The following DTWD2 variants were observed in gnomAD, a reference collection of about 807,000 sequenced individuals.
DTWD2 encodes the protein tRNA-uridine aminocarboxypropyltransferase 2.
In DTWD2, 39 loss-of-function variants were observed where a neutral mutation model predicts 31.8. The observed-to-expected ratio is 1.22, with a 90% confidence interval of 0.95 to 1.60. The LOEUF is 1.60. DTWD2 is among the 40% of genes most tolerant of loss of function. DTWD2 has a pLI of 0.00. For missense variants in DTWD2, 515 were observed against 381.5 expected, an observed-to-expected ratio of 1.35 and a Z score of -2.92; for synonymous variants, 180 against 142.8, an observed-to-expected ratio of 1.26 and a Z score of -1.86.
At chr5:118,893,795 A>G (rs2149561641) in intron 4 of DTWD2, among the ~76,000 whole-genome samples, 1 of 152,282 alleles carries the variant, frequency 6.6e-6, no homozygotes, top group Admixed American at 6.5e-5. Context: ...GAGCACAGAT[A>G]GCCTCTAGAA....
intron 4 of DTWD2, among the ~76,000 whole-genome samples, chr5:118,898,187 G>C (rs1403806985): frequency 6.6e-6 from 1 of 152,050 alleles, no homozygotes; most frequent in Non-Finnish European, 1.5e-5. Context: ...CTTAATCCCA[G>C]TCTTTTATAT....
intron 5 of DTWD2, among the ~76,000 whole-genome samples, chr5:118,842,582 A>G (rs1415048498): frequency 1.3e-5 from 2 of 152,126 alleles, no homozygotes; most frequent in Non-Finnish European, 2.9e-5. Flanking sequence ...TACAGGAGAA[A>G]AAGAAAACCC....
chr5:118,929,695 C>T (rs925188360), intron 3 of DTWD2, among the ~76,000 whole-genome samples: 13 of 152,100 alleles, frequency 8.5e-5, no homozygotes, highest in African/African-American at 3.1e-4. Context: ...TCAAAATATA[C>T]TTATTTGACA....
intron 1 of DTWD2, chr5:118,973,905 G>A (rs1755061136): frequency 1.2e-6 from 2 of 1,607,830 alleles, no homozygotes; most frequent in East Asian, 2.2e-5. Context: ...CCTGCTAACG[G>A]GAATGCTAAT....
intron 4 of DTWD2, among the ~76,000 whole-genome samples, chr5:118,869,337 C>T (rs1752452212): frequency 6.6e-6 from 1 of 152,052 alleles, no homozygotes; most frequent in African/African-American, 2.4e-5. Context: ...AAGTCAACCA[C>T]AACACAAAAC....
rs374547745 is a variant in DTWD2 at position 118,946,718 on chromosome 5, A to G, written c.219-2069T>C. On this transcript the variant is annotated intron_variant, in intron 1 of 5. Transcript: ENST00000510708. ...TTGACTGAAGAAAAGCTGTAAGTCT[A>G]CAAACATTAGCTTTAATCTTTAAAA... is the stretch of plus-strand genomic sequence containing the variant. Among the ~76,000 whole-genome samples, 39 of 152,214 alleles carry G rather than the reference A, an allele frequency of 2.6e-4. 1 individual carries two copies. Among genetic ancestry groups the G allele is most frequent in the African/African-American group, 9.4e-4 (39 of 41,526 alleles).
intron 3 of DTWD2, among the ~76,000 whole-genome samples, chr5:118,929,693 T>C (rs1409719887): frequency 6.6e-6 from 1 of 152,196 alleles, no homozygotes; most frequent in Non-Finnish European, 1.5e-5. Flanking sequence ...CTTCAAAATA[T>C]ACTTATTTGA....
intron 4 of DTWD2, among the ~76,000 whole-genome samples, chr5:118,900,417 A>C (rs1316642304): frequency 6.6e-6 from 1 of 152,256 alleles, no homozygotes; most frequent in Admixed American, 6.5e-5. Flanking sequence ...AATGCTACAA[A>C]ACTGCAGGCA....
intron 4 of DTWD2, among the ~76,000 whole-genome samples, chr5:118,893,276 G>T (rs1289293138): frequency 6.7e-6 from 1 of 149,652 alleles, no homozygotes; most frequent in African/African-American, 2.5e-5. Context: ...CACGAGAATC[G>T]CTTGAACCTG....
chr5:118,985,490 T>TTATATATATATATATATATATATATA (rs56393420), intron 1 of DTWD2, among the ~76,000 whole-genome samples: 24 of 95,398 alleles, frequency 2.5e-4, no homozygotes, highest in South Asian at 8.6e-4. Context: ...ATGTGCATTT[T>TTATATATATATATATATATATATATA]TATATATATA....
At chr5:118,980,629 A>G (rs1392605677) in intron 1 of DTWD2, among the ~76,000 whole-genome samples, 2 of 152,236 alleles carry the variant, frequency 1.3e-5, no homozygotes, top group Non-Finnish European at 2.9e-5. Flanking sequence ...ATGCCTCCTA[A>G]GATGGGCATA....
intron 1 of DTWD2, among the ~76,000 whole-genome samples, chr5:118,986,096 C>A (rs775965741): frequency 1.1e-4 from 17 of 152,106 alleles, no homozygotes; most frequent in Non-Finnish European, 2.4e-4. Context: ...ATCTTTTGTG[C>A]ACCTACCATG....
At chr5:118,849,473 C>T (rs1423255400) in intron 4 of DTWD2, among the ~76,000 whole-genome samples, 1 of 152,160 alleles carries the variant, frequency 6.6e-6, no homozygotes, top group Non-Finnish European at 1.5e-5. Flanking sequence ...CGTGGCAATT[C>T]CTCAACGATC....
At chr5:118,973,613 TTGCTCGCGGCAGCCTCC>T (rs1755044034) in intron 1 of DTWD2, among the ~76,000 whole-genome samples, 1 of 23,660 alleles carries the variant, frequency 4.2e-5, no homozygotes, top group Admixed American at 6.9e-4. Flanking sequence ...GTCCGCCTCC[TTGCTCGCGGCAGCCTCC>T]TTGCTCGCGG....
chr5:118,953,117 C>T (rs1355958458), intron 1 of DTWD2, among the ~76,000 whole-genome samples: 5 of 152,142 alleles, frequency 3.3e-5, no homozygotes, highest in Non-Finnish European at 5.9e-5. Flanking sequence ...GAGCCCCAGC[C>T]CTCAGAGCTT....
chr5:118,843,755 A>T (rs1391548147), intron 5 of DTWD2, among the ~76,000 whole-genome samples: 2 of 152,228 alleles, frequency 1.3e-5, no homozygotes, highest in African/African-American at 4.8e-5. Context: ...AAGAGAATGA[A>T]TTTTGGAAAC....
intron 1 of DTWD2, 155 bp downstream of exon 1, chr5:118,988,139 G>A (rs1390494913): frequency 1.1e-6 from 1 of 897,206 alleles, no homozygotes; most frequent in African/African-American, 1.6e-5. Context: ...CTAGGTAGCT[G>A]TGCCTGGCAT....
intron 3 of DTWD2, among the ~76,000 whole-genome samples, chr5:118,935,494 T>A (rs1464398401): frequency 6.6e-6 from 1 of 152,156 alleles, no homozygotes; most frequent in Non-Finnish European, 1.5e-5. Flanking sequence ...ACTAGTATTA[T>A]TGCAAAATTG....
At chr5:118,951,844 G>A (rs567832281) in intron 1 of DTWD2, among the ~76,000 whole-genome samples, 16 of 152,264 alleles carry the variant, frequency 1.1e-4, no homozygotes, top group East Asian at 3.9e-4. Context: ...CAAGGCAGGC[G>A]TCCCCATGGT....
Sources: gnomAD v4.1 joint callset for allele counts (sites outside exome capture counted in the v4.1 genomes callset) on GRCh38, gnomAD v4.1.1 for gene constraint, MANE v1.5 for transcripts, NCBI Gene and HGNC (gene_info 2026-07-23, HGNC 2026-07-21) for gene names.